Variants in UBE2L3 observed in about 807,000 individuals in gnomAD.
The protein encoded by UBE2L3 is ubiquitin-conjugating enzyme E2 L3.
Under a neutral mutation model 17.8 loss-of-function variants are expected in UBE2L3, and 1 was observed. That is an observed-to-expected ratio of 0.06 (90% CI 0.02 to 0.27). UBE2L3 has a LOEUF of 0.27. UBE2L3 is among the 10% of genes least tolerant of loss of function. The pLI, the probability that UBE2L3 is intolerant of heterozygous loss-of-function variation, is 1.00. For synonymous variants in UBE2L3, 44 were observed against 68.5 expected (o/e 0.64, Z 1.76); for missense variants, 40 against 192.6 (o/e 0.21, Z 4.69).
intron 1 of UBE2L3, among the ~76,000 whole-genome samples, chr22:21,560,018 C>T (rs1228605734): frequency 6.6e-6 from 1 of 152,290 alleles, no homozygotes; most frequent in Non-Finnish European, 1.5e-5. Context: ...GGCTGGGGCC[C>T]CCTGGCCTAC....
At chr22:21,603,962 A>G (rs1288615349) in intron 2 of UBE2L3, among the ~76,000 whole-genome samples, 1 of 141,268 alleles carries the variant, frequency 7.1e-6, no homozygotes, top group Non-Finnish European at 1.5e-5. Flanking sequence ...CCGAGGCTGG[A>G]ATGCAGTGGT....
chr22:21,576,263 C>T (rs770624173), intron 1 of UBE2L3, among the ~76,000 whole-genome samples: 14 of 151,270 alleles, frequency 9.3e-5, no homozygotes, highest in African/African-American at 1.5e-4. Flanking sequence ...TACAGGCGCA[C>T]GCCACCACGC....
intron 1 of UBE2L3, among the ~76,000 whole-genome samples, chr22:21,568,728 C>T (rs1941693296): frequency 6.6e-6 from 1 of 151,974 alleles, no homozygotes; most frequent in South Asian, 2.1e-4. Context: ...CGGCCTGCAA[C>T]GGGCCGGAAA....
At chr22:21,576,306 T>C (rs887994513) in intron 1 of UBE2L3, among the ~76,000 whole-genome samples, 1 of 143,504 alleles carries the variant, frequency 7.0e-6, no homozygotes, top group African/African-American at 2.5e-5. Context: ...TTTTTTTTTG[T>C]TTTTTTTTTG....
intron 2 of UBE2L3, among the ~76,000 whole-genome samples, chr22:21,595,729 TC>T (rs966555346): frequency 6.6e-6 from 1 of 152,178 alleles, no homozygotes; most frequent in African/African-American, 2.4e-5. Context: ...CATAATCACA[TC>T]ATCAAGAAAT....
At chr22:21,618,361 G>A (rs532845600) in intron 3 of UBE2L3, among the ~76,000 whole-genome samples, 16 of 151,824 alleles carry the variant, frequency 1.1e-4, no homozygotes, top group Non-Finnish European at 1.9e-4. Flanking sequence ...TCAGGAGATC[G>A]AGACCATCCT....
At chr22:21,566,575 G>T (rs1926648651), upstream of UBE2L3, among the ~76,000 whole-genome samples, 1 of 146,124 alleles carries the variant, frequency 6.8e-6, no homozygotes, top group South Asian at 2.3e-4. Context: ...GACAGATCAA[G>T]ACTCTGTCTC....
intron 2 of UBE2L3, among the ~76,000 whole-genome samples, chr22:21,597,277 G>A (rs1928582965): frequency 6.6e-6 from 1 of 152,076 alleles, no homozygotes; most frequent in African/African-American, 2.4e-5. Flanking sequence ...ACCGTGCCTG[G>A]CCTGATGCAC....
In UBE2L3 at chr22:21,612,643, CTTTTTTTTTTTTT is replaced by C. The variant is rs57678378; in HGVS notation, c.310+1616_310+1628del. 2.9e-4 allele frequency among the ~76,000 whole-genome samples: 15 copies of C among 52,492 alleles called. No individual in the cohort carries two copies. In the South Asian group the frequency reaches 5.1e-3, roughly 18 times the overall value. 34.4% of individuals were successfully genotyped at this position (52,492 alleles called of 152,430 possible). A position where few individuals can be genotyped will look rare whatever the true frequency, so the allele number is the denominator to read the frequency against. Reference sequence around the variant, plus strand: ...CCCAGCCGATTTTTTCTTTTCTTTTCTTTTTTTTTTTTTTTTTTTTTTTTTTTTGAGACGGAGT... The same window carrying C: ...CCCAGCCGATTTTTTCTTTTCTTTTCTTTTTTTTTTTTTTTGAGACGGAGT... On this transcript the variant is annotated intron_variant, in intron 3 of 3. Coordinates refer to ENST00000342192, the MANE Select transcript of UBE2L3 (RefSeq NM_003347.4).
rs1288464915 is a variant in UBE2L3, at chr22:21,620,838, A to G, written c.311-677A>G. On this transcript the variant is annotated intron_variant, in intron 3 of 3. Coordinates refer to ENST00000342192, the MANE Select transcript of UBE2L3 (RefSeq NM_003347.4). ...TCACATACCCTTCTCTCTAGTGCCC[A>G]CTCAGTCACCTTAACCGAAACTTCC... 2.6e-5 allele frequency among the ~76,000 whole-genome samples: 4 copies of G among 152,056 alleles called. No individual in the cohort carries two copies. In the East Asian group the frequency reaches 5.8e-4, roughly 22 times the overall value.
intron 2 of UBE2L3, among the ~76,000 whole-genome samples, chr22:21,607,384 G>A (rs1010631303): frequency 6.6e-6 from 1 of 151,566 alleles, no homozygotes; most frequent in African/African-American, 2.4e-5. Context: ...GCAGGGTAGC[G>A]GGTACCTGTA....
At chr22:21,552,208 T>A (rs1333453160) in intron 1 of UBE2L3, among the ~76,000 whole-genome samples, 1 of 152,266 alleles carries the variant, frequency 6.6e-6, no homozygotes, top group Non-Finnish European at 1.5e-5. Context: ...ATTTTGTTTT[T>A]TGAGATGGGG....
intron 3 of UBE2L3, among the ~76,000 whole-genome samples, chr22:21,619,796 A>G (rs1929961853): frequency 6.6e-6 from 1 of 152,140 alleles, no homozygotes; most frequent in Non-Finnish European, 1.5e-5. Context: ...GGTTCAAGCG[A>G]TTCTCCTGCC....
At chr22:21,576,686 G>A (rs1045602622) in intron 1 of UBE2L3, among the ~76,000 whole-genome samples, 3 of 151,912 alleles carry the variant, frequency 2.0e-5, no homozygotes, top group African/African-American at 4.8e-5. Context: ...CGCCCACCTC[G>A]GCCTCCCAAA....
upstream of UBE2L3, among the ~76,000 whole-genome samples, chr22:21,562,718 C>T (rs1299296437): frequency 5.1e-5 from 7 of 138,592 alleles, no homozygotes; most frequent in South Asian, 2.3e-4. Flanking sequence ...GGGCTTTCCC[C>T]GTGTTCTCAA....
At chr22:21,583,524 C>T (rs1020960431) in intron 1 of UBE2L3, among the ~76,000 whole-genome samples, 1 of 152,334 alleles carries the variant, frequency 6.6e-6, no homozygotes, top group East Asian at 1.9e-4. Flanking sequence ...ACATCTGAAG[C>T]ATCCCTGACT....
In UBE2L3 at chr22:21,613,204, G is replaced by T. The variant is rs1401075408; in HGVS notation, c.310+2161G>T. Among the ~76,000 whole-genome samples, 9 of 152,158 alleles carry T rather than the reference G, an allele frequency of 5.9e-5. No homozygotes were observed. The South Asian group carries it at 1.9e-3, about 31-fold the overall frequency. ...GGAGGCTCTCAGGAGATGGATGCAC[G>T]TGCTTTGCCACCTCTCATGGGGCTG... On this transcript the variant is annotated intron_variant, in intron 3 of 3. Coordinates refer to ENST00000342192, the MANE Select transcript of UBE2L3 (RefSeq NM_003347.4).
At chr22:21,572,437 A>AAAG (rs1927028422) in intron 1 of UBE2L3, among the ~76,000 whole-genome samples, 1 of 151,160 alleles carries the variant, frequency 6.6e-6, no homozygotes, top group Non-Finnish European at 1.5e-5. Flanking sequence ...AAAAAAAAAA[A>AAAG]AAAAGAAAAC....
intron 3 of UBE2L3, among the ~76,000 whole-genome samples, chr22:21,618,492 G>T (rs1929894872): frequency 6.6e-6 from 1 of 151,868 alleles, no homozygotes; most frequent in Non-Finnish European, 1.5e-5. Context: ...ATGAGCCTGG[G>T]AGGCGGAGCT....
Sources: allele counts gnomAD v4.1 joint callset (sites outside exome capture counted in the v4.1 genomes callset), GRCh38; gene constraint gnomAD v4.1.1; transcripts MANE v1.5; gene names NCBI Gene and HGNC (gene_info 2026-07-23, HGNC 2026-07-21).